ADAM12: variants seen among roughly 807,000 people sequenced by gnomAD.
ADAM12 encodes the protein disintegrin and metalloproteinase domain-containing protein 12.
Under a neutral mutation model 106.4 loss-of-function variants are expected in ADAM12, and 70 were observed. The ratio of observed to expected loss-of-function variants is 0.66; its 90% CI spans 0.54 to 0.80. The LOEUF (loss-of-function observed/expected upper bound fraction) is 0.80. ADAM12 is among the 30% of genes least tolerant of loss of function. The pLI is 0.00. For synonymous variants in ADAM12, 420 were observed against 433.5 expected, an observed-to-expected ratio of 0.97 and a Z score of 0.39; for missense variants, 1,010 against 1,171.9, an observed-to-expected ratio of 0.86 and a Z score of 2.02.
In ADAM12 at chr10:126,083,597, C is replaced by T. The variant is rs1955275024; in HGVS notation, c.1145+10388G>A. Among the ~76,000 whole-genome samples, 5 of 152,206 alleles carry T rather than the reference C, an allele frequency of 3.3e-5. No homozygotes were observed. In the South Asian group the frequency reaches 1.0e-3, roughly 31 times the overall value. On this transcript the variant is annotated intron_variant, in intron 11 of 22. Transcript: ENST00000448723. The stretch of plus-strand genomic sequence containing the variant: ...ACTTCCCTAAAGGTCTTTGGTGTAA[C>T]AGAAGACAAAGGCCCAGTCTTGGGA...
chr10:126,092,425 C>T (rs1375441647), intron 11 of ADAM12, among the ~76,000 whole-genome samples: 7 of 152,200 alleles, frequency 4.6e-5, no homozygotes, highest in Non-Finnish European at 7.3e-5. Context: ...GCCCTTGGCC[C>T]AACCTTATAC....
chr10:126,193,899 A>AAAATG (rs1223296545), intron 3 of ADAM12, among the ~76,000 whole-genome samples: 1 of 130,232 alleles, frequency 7.7e-6, no homozygotes, highest in Non-Finnish European at 1.6e-5. Flanking sequence ...CTCATGAAAT[A>AAAATG]AAATGAAATA....
intron 1 of ADAM12, among the ~76,000 whole-genome samples, chr10:126,339,179 T>G (rs1854828777): frequency 6.6e-6 from 1 of 152,198 alleles, no homozygotes; most frequent in South Asian, 2.1e-4. Flanking sequence ...CATTAATTTT[T>G]AAGCTGATGT....
intron 1 of ADAM12, among the ~76,000 whole-genome samples, chr10:126,335,509 C>A (rs925590932): frequency 1.3e-5 from 2 of 152,198 alleles, no homozygotes; most frequent in African/African-American, 4.8e-5. Flanking sequence ...GGAAATCTTA[C>A]AGAACTGAGC....
chr10:126,014,757 C>T lies in ADAM12; in HGVS notation c.*2522G>A, dbSNP rs893607246. 1.1e-4 allele frequency: 17 copies of T among 152,132 alleles called. No individual in the cohort carries two copies. The highest frequency in any genetic ancestry group is 3.1e-4 in the African/African-American group (13 of 41,428). The allele number at this position is 152,132 out of a possible 1,614,324, so 9.4% of individuals were successfully genotyped here. A position where few individuals can be genotyped will look rare whatever the true frequency, so the allele number is the denominator to read the frequency against. ...AAGTAGCCTCTGGGCTACTTTGTGT[C>T]TAGTCACATTGACTTTCCAGGTGAT... On this transcript the variant is annotated 3_prime_UTR_variant, in exon 23 of 23. Coordinates refer to ENST00000448723, the MANE Select transcript of ADAM12 (RefSeq NM_001288973.2).
At chr10:126,202,857 C>T (rs187498036) in intron 3 of ADAM12, among the ~76,000 whole-genome samples, 2 of 152,038 alleles carry the variant, frequency 1.3e-5, no homozygotes, top group East Asian at 1.9e-4. Context: ...AACATTTTTC[C>T]GAAGGTCAAA....
At chr10:126,182,859 G>A (rs1374721170) in intron 3 of ADAM12, among the ~76,000 whole-genome samples, 4 of 152,354 alleles carry the variant, frequency 2.6e-5, no homozygotes, top group South Asian at 2.1e-4. Flanking sequence ...TGGCACGCAA[G>A]CGTGCAATCC....
rs1249807111 is a variant in ADAM12, at chr10:126,245,747, G to A, written c.260+33168C>T. 5.3e-5 allele frequency among the ~76,000 whole-genome samples: 8 copies of A among 152,280 alleles called. No individual in the cohort carries two copies. In the East Asian group the frequency reaches 1.5e-3, roughly 29 times the overall value. On this transcript the variant is annotated intron_variant, in intron 3 of 22. Transcript: ENST00000448723. ...GGGGCTCCTCAAGGGGAGCATGAAC[G>A]GCAGCGTCAGATGACAAGGAGGAAG... is the stretch of plus-strand genomic sequence containing the variant.
intron 14 of ADAM12, among the ~76,000 whole-genome samples, chr10:126,062,286 G>A (rs143636073): frequency 7.2e-5 from 11 of 152,224 alleles, no homozygotes; most frequent in African/African-American, 2.2e-4. Flanking sequence ...GGCCACACAC[G>A]ACACCACCCA....
At chr10:126,117,260 C>T (rs1040053851) in intron 6 of ADAM12, among the ~76,000 whole-genome samples, 7 of 152,192 alleles carry the variant, frequency 4.6e-5, no homozygotes, top group Non-Finnish European at 1.0e-4. Context: ...GCAGGCCACC[C>T]TTAGGGGTGG....
intron 2 of ADAM12, among the ~76,000 whole-genome samples, chr10:126,308,696 T>C (rs182382062): frequency 1.3e-5 from 2 of 152,342 alleles, no homozygotes; most frequent in African/African-American, 2.4e-5. Context: ...TCTTAGAAGT[T>C]TAAAAATATT....
At chr10:126,142,613 T>C (rs1428113130) in intron 4 of ADAM12, among the ~76,000 whole-genome samples, 1 of 152,234 alleles carries the variant, frequency 6.6e-6, no homozygotes, top group African/African-American at 2.4e-5. Context: ...ATTTTGTTTA[T>C]GGCCAGTTTT....
At chr10:126,115,102 G>C (rs980088532) in intron 6 of ADAM12, among the ~76,000 whole-genome samples, 4 of 152,202 alleles carry the variant, frequency 2.6e-5, no homozygotes, top group Non-Finnish European at 5.9e-5. Context: ...CCAACTCGCT[G>C]TCCTATATGT....
intron 11 of ADAM12, among the ~76,000 whole-genome samples, chr10:126,086,900 G>T (rs1205362887): frequency 6.6e-6 from 1 of 150,378 alleles, no homozygotes; most frequent in Non-Finnish European, 1.5e-5. Flanking sequence ...GGGTTTGGTA[G>T]TGTGCACCTG....
intron 5 of ADAM12, among the ~76,000 whole-genome samples, chr10:126,134,871 C>CATTTAGT (rs1294111910): frequency 1.2e-4 from 19 of 152,230 alleles, no homozygotes; most frequent in African/African-American, 4.6e-4. Context: ...TTACCCAGGA[C>CATTTAGT]TCTGAGGTTA....
intron 3 of ADAM12, among the ~76,000 whole-genome samples, chr10:126,192,430 C>T (rs1362446118): frequency 6.6e-6 from 1 of 152,182 alleles, no homozygotes; most frequent in Admixed American, 6.5e-5. Context: ...ATCAGCTTTA[C>T]CTTCCAAAGG....
intron 3 of ADAM12, among the ~76,000 whole-genome samples, chr10:126,278,434 AG>A (rs1959384178): frequency 6.6e-6 from 1 of 152,234 alleles, no homozygotes; most frequent in Admixed American, 6.5e-5. Flanking sequence ...TTTCCACAAA[AG>A]GACCAATTTT....
intron 14 of ADAM12, among the ~76,000 whole-genome samples, chr10:126,051,234 T>C (rs1379721202): frequency 1.3e-5 from 2 of 152,164 alleles, no homozygotes; most frequent in Non-Finnish European, 2.9e-5. Flanking sequence ...ATCAAAGCAG[T>C]TTGGAAAAAC....
chr10:126,033,212 A>T (rs1057051345), intron 21 of ADAM12, among the ~76,000 whole-genome samples: 2 of 152,126 alleles, frequency 1.3e-5, no homozygotes, highest in Non-Finnish European at 2.9e-5. Flanking sequence ...ACTGGCCACA[A>T]TGGGAAGTTT....
Sources: gnomAD v4.1 joint callset for allele counts (sites outside exome capture counted in the v4.1 genomes callset) on GRCh38, gnomAD v4.1.1 for gene constraint, MANE v1.5 for transcripts, NCBI Gene and HGNC (gene_info 2026-07-23, HGNC 2026-07-21) for gene names.